Variants in ZC3H13 observed in about 807,000 individuals in gnomAD.
The protein encoded by ZC3H13 is zinc finger CCCH-type containing 13.
In ZC3H13, 64 loss-of-function variants were observed where a neutral mutation model predicts 204.1. The observed-to-expected ratio is 0.31, with a 90% confidence interval of 0.26 to 0.39. The LOEUF (loss-of-function observed/expected upper bound fraction) is 0.39, where lower values mean the gene tolerates loss of function less well. Ranked by LOEUF, ZC3H13 falls within the 10% of genes least tolerant of loss-of-function variation. The probability of loss-of-function intolerance (pLI) is 1.00; values close to 1 mark genes in which losing one functional copy is unlikely to be tolerated. For synonymous variants in ZC3H13, 667 were observed against 693.7 expected (o/e 0.96, Z 0.60); for missense variants, 1,833 against 2,082.7 (o/e 0.88, Z 2.33).
chr13:46,041,771 G>A (rs2043603721), intron 4 of ZC3H13, among the ~76,000 whole-genome samples: 1 of 152,022 alleles, frequency 6.6e-6, no homozygotes, highest in Non-Finnish European at 1.5e-5. Flanking sequence ...AACCCCATGT[G>A]TTTTGCTTTC....
At chr13:46,041,674 C>A (rs939311369) in intron 4 of ZC3H13, among the ~76,000 whole-genome samples, 5 of 152,108 alleles carry the variant, frequency 3.3e-5, no homozygotes, top group African/African-American at 1.2e-4. Context: ...AATTTTATTT[C>A]TCTTGGCTTC....
chr13:45,993,572 TAA>T (rs1348569884), intron 8 of ZC3H13, among the ~76,000 whole-genome samples: 1 of 152,200 alleles, frequency 6.6e-6, no homozygotes, highest in Non-Finnish European at 1.5e-5. Context: ...CAGGTCATGG[TAA>T]AAGTCTGGAT....
At position 45,969,476 on chromosome 13, in the gene ZC3H13, T is replaced by G. The variant is rs1427179734; in HGVS notation, c.3068A>C (p.Gln1023Pro). 1 of 1,611,270 alleles carries G rather than the reference T, an allele frequency of 6.2e-7. No homozygotes were observed. Among genetic ancestry groups the G allele is most frequent in the African/African-American group, 1.3e-5 (1 of 74,748 alleles). Residue 1023 changes from glutamine to proline, a missense_variant, in exon 14 of 19, where the codon CAG becomes CCG. Coordinates refer to ENST00000679008, the MANE Select transcript of ZC3H13 (RefSeq NM_001330564.2). Reference protein sequence around the residue: ...DSDISDEEAAQQSKKKRGPRT... With the variant: ...DSDISDEEAAPQSKKKRGPRT... ...TGGGCCTCTTTTCTTCTTACTTTGC[T>G]GGGCTGCTTCTTCATCAGAAATATC...
At chr13:46,033,269 C>A (rs1374246325) in intron 4 of ZC3H13, among the ~76,000 whole-genome samples, 1 of 152,032 alleles carries the variant, frequency 6.6e-6, no homozygotes, top group Admixed American at 6.6e-5. Flanking sequence ...ATAGAGAAGA[C>A]CTGTTTCAAG....
At chr13:45,973,012 C>G (rs187871048) in intron 12 of ZC3H13, among the ~76,000 whole-genome samples, 9 of 152,320 alleles carry the variant, frequency 5.9e-5, no homozygotes, top group Admixed American at 5.9e-4. Flanking sequence ...AATGTTGATA[C>G]AGGAGTTACT....
chr13:46,046,502 CAA>C (rs1289336036), intron 1 of ZC3H13, among the ~76,000 whole-genome samples: 1 of 125,668 alleles, frequency 8.0e-6, no homozygotes, highest in Non-Finnish European at 1.6e-5. Context: ...ACTAAAAATA[CAA>C]AAAAAAAAAA....
rs375292298 is a variant in ZC3H13 at position 45,955,464 on chromosome 13, T to G, written c.*1663A>C. ...TAACTGAATGACAGATTTAACTACATAGTTTTCATTCTATAAATAAATAAC... is the reference window on the plus strand; with the variant it reads ...TAACTGAATGACAGATTTAACTACAGAGTTTTCATTCTATAAATAAATAAC... On this transcript the variant is annotated 3_prime_UTR_variant, in exon 19 of 19. Coordinates refer to ENST00000679008, the MANE Select transcript of ZC3H13 (RefSeq NM_001330564.2). The G allele has an allele frequency of 6.6e-5, 10 of 152,334 alleles. No homozygotes were observed. The East Asian group carries it at 1.5e-3, about 23-fold the overall frequency. The allele number at this position is 152,334 out of a possible 1,614,324, so 9.4% of individuals were successfully genotyped here.
chr13:45,969,296 T>C lies in ZC3H13; in HGVS notation c.3248A>G (p.His1083Arg), dbSNP rs1434700030. The C allele has an allele frequency of 3.1e-6, 5 of 1,613,808 alleles. No homozygotes were observed. The highest frequency in any genetic ancestry group is 4.2e-6 in the Non-Finnish European group (5 of 1,180,002). ...PDRTEVTEAEHTATATTPGST... is the reference protein window; with the variant it reads ...PDRTEVTEAERTATATTPGST... ...ACCAGGAGTCGTGGCGGTGGCAGTA[T>C]GCTCTGCTTCTGTCACCTCTGTACG... The change falls in exon 14 of 19, where the codon CAT becomes CGT. Residue 1083 changes from histidine (H) to arginine (R), a missense_variant. Physicochemically the swap from His to Arg is conservative, Grantham distance 29. Around this residue, in one of 5 missense-constraint regions of ZC3H13, gnomAD observed 1,574 missense variants for 1,757.2 expected, o/e 0.90. Transcript: ENST00000679008.
chr13:45,959,062 T>G (rs2137717749), intron 18 of ZC3H13, among the ~76,000 whole-genome samples: 1 of 152,330 alleles, frequency 6.6e-6, no homozygotes, highest in Non-Finnish European at 1.5e-5. Context: ...CTCTTACTTC[T>G]CAATCTCTTT....
chr13:45,959,955 A>G (rs572386429), intron 17 of ZC3H13, among the ~76,000 whole-genome samples: 1 of 151,772 alleles, frequency 6.6e-6, no homozygotes. Context: ...CAATTTATTT[A>G]TTTATTTATT....
chr13:46,010,609 AT>A (rs2041483968), intron 6 of ZC3H13, 104 bp from the exon 7 acceptor site: 1 of 1,268,816 alleles, frequency 7.9e-7, no homozygotes, highest in Non-Finnish European at 1.1e-6. Context: ...AAAATTAAAT[AT>A]TATTGCCGGG....
intron 4 of ZC3H13, among the ~76,000 whole-genome samples, chr13:46,037,454 A>G (rs1051666665): frequency 5.9e-5 from 9 of 152,246 alleles, no homozygotes; most frequent in Non-Finnish European, 2.9e-5. Flanking sequence ...CGTCATCAAT[A>G]AATGCTTGAA....
At chr13:46,025,284 T>C (rs1397580195) in intron 4 of ZC3H13, among the ~76,000 whole-genome samples, 2 of 152,184 alleles carry the variant, frequency 1.3e-5, no homozygotes, top group Non-Finnish European at 2.9e-5. Flanking sequence ...ACCTATCTTA[T>C]TGATCTTATC....
chr13:46,006,550 C>T (rs2041164084), intron 7 of ZC3H13, among the ~76,000 whole-genome samples: 1 of 150,560 alleles, frequency 6.6e-6, no homozygotes, highest in South Asian at 2.1e-4. Flanking sequence ...CAGTCTGGTA[C>T]TAGGTTTGCA....
intron 4 of ZC3H13, among the ~76,000 whole-genome samples, chr13:46,022,501 G>A (rs1018497691): frequency 3.9e-5 from 6 of 152,008 alleles, no homozygotes; most frequent in Admixed American, 6.6e-5. Context: ...CTCGTCCAAT[G>A]TAGTGTAGCA....
intron 11 of ZC3H13, among the ~76,000 whole-genome samples, chr13:45,979,330 C>CA (rs1953346771): frequency 6.6e-6 from 1 of 152,052 alleles, no homozygotes; most frequent in Admixed American, 6.6e-5. Flanking sequence ...CATATCTTCT[C>CA]AGGACAGAAT....
At chr13:46,029,427 CTTTT>C (rs964729202) in intron 4 of ZC3H13, among the ~76,000 whole-genome samples, 40 of 138,820 alleles carry the variant, frequency 2.9e-4, no homozygotes, top group African/African-American at 9.5e-4. Context: ...TGGACTACTT[CTTTT>C]TTTTTTTTTT....
At chr13:46,039,970 G>A (rs911283144) in intron 4 of ZC3H13, among the ~76,000 whole-genome samples, 7 of 152,022 alleles carry the variant, frequency 4.6e-5, no homozygotes, top group Admixed American at 6.6e-5. Flanking sequence ...CTGGCAGACC[G>A]CTGAGGCATC....
chr13:45,964,549 T>C (rs1951932304), intron 16 of ZC3H13, among the ~76,000 whole-genome samples: 1 of 152,194 alleles, frequency 6.6e-6, no homozygotes, highest in South Asian at 2.1e-4. Context: ...GAAATAATGT[T>C]CTACTTAGAA....
Sources: allele counts gnomAD v4.1 joint callset (sites outside exome capture counted in the v4.1 genomes callset), GRCh38; gene constraint gnomAD v4.1.1; regional missense constraint gnomAD v4.1.1; transcripts MANE v1.5; gene names NCBI Gene and HGNC (gene_info 2026-07-23, HGNC 2026-07-21).